The following NEK9 variants were observed in gnomAD, a reference collection of about 807,000 sequenced individuals.
NEK9 encodes the protein serine/threonine-protein kinase Nek9.
NEK9 carries 75 observed loss-of-function variants against 123.4 expected under a neutral mutation model. That is an observed-to-expected ratio of 0.61 (90% CI 0.50 to 0.74). NEK9 has a LOEUF of 0.74. NEK9 is among the 30% of genes least tolerant of loss of function. The pLI is 0.00. For synonymous variants in NEK9, 438 were observed against 458.7 expected (o/e 0.95, Z 0.58); for missense variants, 952 against 1,214.4 (o/e 0.78, Z 3.21).
At chr14:75,122,407 T>A (rs1895367869) in intron 2 of NEK9, among the ~76,000 whole-genome samples, 1 of 152,190 alleles carries the variant, frequency 6.6e-6, no homozygotes, top group South Asian at 2.1e-4. Flanking sequence ...GGTTCTCCTG[T>A]GCAATAAGAT....
chr14:75,111,783 C>A (rs1041998896), intron 8 of NEK9, among the ~76,000 whole-genome samples: 1 of 151,978 alleles, frequency 6.6e-6, no homozygotes, highest in African/African-American at 2.4e-5. Context: ...CCCAGCTACC[C>A]GAGAGGCTAA....
chr14:75,080,604 T>TGCAAGGGA lies in NEK9; in HGVS notation c.*3959_*3960insTCCCTTGC, dbSNP rs1893842131. Reference sequence around the variant, plus strand: ...GAAACTCCTCATGTGGAAACTCATTTCATTAAAAATGTATGCAGATGTGCC... The same window carrying TGCAAGGGA: ...GAAACTCCTCATGTGGAAACTCATTTGCAAGGGACATTAAAAATGTATGCAGATGTGCC... On this transcript the variant is annotated 3_prime_UTR_variant, in exon 22 of 22. Transcript: ENST00000238616. 2 of 152,050 alleles carry TGCAAGGGA rather than the reference T, an allele frequency of 1.3e-5. No homozygotes were observed. Among genetic ancestry groups the TGCAAGGGA allele is most frequent in the Non-Finnish European group, 1.5e-5 (1 of 68,008 alleles). The allele number at this position is 152,050 out of a possible 1,614,324, so 9.4% of individuals were successfully genotyped here.
In NEK9 at chr14:75,088,525, C is replaced by A. The variant is rs775143389; in HGVS notation, c.2559G>T (p.Val853=). The change falls in exon 20 of 22, where the codon GTG becomes GTT. Residue 853 remains valine (V), a synonymous_variant. Transcript: ENST00000238616. The stretch of plus-strand genomic sequence containing the variant: ...TGTGTTCCAAAGGAGCTTCAGAGGC[C>A]ACTTTGAGTCCTTGCAGCTCTTCAT... ...LPYEELQGLK[V]ASEAPLEHKP... is the part of the protein sequence containing the mutation. The A allele has an allele frequency of 6.2e-7, 1 of 1,614,044 alleles. No homozygotes were observed. Among genetic ancestry groups the A allele is most frequent in the Admixed American group, 1.7e-5 (1 of 59,992 alleles).
chr14:75,100,858 G>T, intron 16 of NEK9, 134 bp downstream of exon 16: 2 of 866,484 alleles, frequency 2.3e-6, no homozygotes, highest in Non-Finnish European at 3.4e-6. Context: ...TATATAACCG[G>T]CCACCAATTT....
intron 8 of NEK9, among the ~76,000 whole-genome samples, chr14:75,111,672 C>T (rs1489392532): frequency 1.3e-5 from 2 of 152,194 alleles, no homozygotes; most frequent in African/African-American, 2.4e-5. Context: ...AGGCAGATCA[C>T]CTGAGGTCAG....
rs1894898118 is a variant in NEK9, at chr14:75,109,759, T to C, written c.1108A>G (p.Ser370Gly). Residue 370 changes from serine (S) to glycine (G), a missense_variant, in exon 10 of 22, where the codon AGT becomes GGT. Ser to Gly is a moderately conservative substitution (Grantham distance 56, BLOSUM62 0). Coordinates refer to ENST00000238616, the MANE Select transcript of NEK9 (RefSeq NM_033116.6). ...QKLDVIKSGCSARQVCAGNTH... is the reference protein window; with the variant it reads ...QKLDVIKSGCGARQVCAGNTH... ...TTCCCTGCACAGACCTGCCGGGCAC[T>C]ACAGCCACTCTTGATAACATCCAGT... is the stretch of plus-strand genomic sequence containing the variant. The C allele has an allele frequency of 1.9e-6, 3 of 1,614,140 alleles. No individual in the cohort carries two copies. The highest frequency in any genetic ancestry group is 2.5e-6 in the Non-Finnish European group (3 of 1,180,016).
Position 75,084,135 on chromosome 14 carries a change from A to T in NEK9, c.*429T>A. On this transcript the variant is annotated 3_prime_UTR_variant, in exon 22 of 22. Transcript: ENST00000238616. ...CCTGATTCCAGCCCACTCCAACTTT[A>T]CACTTCTCCCTCTCCCACCCAGAGG... 5.4e-6 allele frequency: 1 copy of T among 185,642 alleles called. No individual in the cohort carries two copies. Among genetic ancestry groups the T allele is most frequent in the Admixed American group, 5.3e-5 (1 of 18,742 alleles). 11.5% of individuals were successfully genotyped at this position (185,642 alleles called of 1,614,324 possible).
intron 14 of NEK9, among the ~76,000 whole-genome samples, chr14:75,102,944 C>CA (rs569544672): frequency 8.6e-4 from 124 of 143,552 alleles, no homozygotes; most frequent in Non-Finnish European, 1.4e-3. Context: ...ATTGCAAGGA[C>CA]AAAAAATCAA....
At chr14:75,106,040 C>T in intron 12 of NEK9, 44 bp from the exon 13 acceptor site, 1 of 1,531,370 alleles carries the variant, frequency 6.5e-7, no homozygotes, top group Non-Finnish European at 9.1e-7. Context: ...TGAGGGCTTC[C>T]TTCCCAGTGA....
At chr14:75,090,277 C>CTT (rs543579822) in intron 19 of NEK9, among the ~76,000 whole-genome samples, 21 of 118,848 alleles carry the variant, frequency 1.8e-4, no homozygotes, top group African/African-American at 5.7e-4. Context: ...CATGCTCGGT[C>CTT]TTTTTTTTTT....
chr14:75,084,557 C>T lies in NEK9; in HGVS notation c.*7G>A, dbSNP rs11557688. The T allele has an allele frequency of 1.4e-5, 22 of 1,613,972 alleles. No homozygotes were observed. The highest frequency in any genetic ancestry group is 2.7e-5 in the African/African-American group (2 of 74,918). On this transcript the variant is annotated 3_prime_UTR_variant, in exon 22 of 22. Transcript: ENST00000238616. ...CAGTCTCCTGGGGGCTCTACAGGCT[C>T]AGGAGACTAGAGGCTGGGTCTACAG...
intron 9 of NEK9, 138 bp from the exon 10 acceptor site, chr14:75,110,015 T>A: frequency 1.1e-6 from 1 of 907,220 alleles, no homozygotes; most frequent in Non-Finnish European, 1.6e-6. Context: ...CTTGTTTCAA[T>A]GTGCTCTATC....
intron 1 of NEK9, among the ~76,000 whole-genome samples, chr14:75,125,599 TAAC>T (rs1895496672): frequency 6.6e-6 from 1 of 152,206 alleles, no homozygotes; most frequent in Non-Finnish European, 1.5e-5. Flanking sequence ...AATATAGAAA[TAAC>T]AATCCTTATC....
intron 7 of NEK9, 98 bp from the exon 8 acceptor site, chr14:75,113,501 G>T: frequency 2.4e-6 from 2 of 850,570 alleles, no homozygotes; most frequent in Non-Finnish European, 3.8e-6. Flanking sequence ...TTATCCTTTT[G>T]TTTTAAAAAT....
chr14:75,116,574 T>A, intron 6 of NEK9: 1 of 278,760 alleles, frequency 3.6e-6, no homozygotes, highest in Non-Finnish European at 7.8e-6. Context: ...CTTGAAAAAG[T>A]GAACCATCAT....
rs148632243 is a variant in NEK9, at chr14:75,101,103, C to A, written c.1891G>T (p.Val631Phe). 6.2e-6 allele frequency: 10 copies of A among 1,614,248 alleles called. No individual in the cohort carries two copies. Among genetic ancestry groups the A allele is most frequent in the Non-Finnish European group, 8.5e-6 (10 of 1,180,050 alleles). ...CCCAGACGCTTCTTGTAGTTCCCAA[C>A]GCCCAGCTGCCCACACTTGTTGCAG... ...FGCNKCGQLG[V>F]GNYKKRLGIN... is the part of the protein sequence containing the mutation. The change falls in exon 16 of 22, where the codon GTT (valine) becomes TTT (phenylalanine). Residue 631 changes from valine to phenylalanine, a missense_variant. Physicochemically the swap from Val to Phe is conservative, Grantham distance 50. Coordinates refer to ENST00000238616, the MANE Select transcript of NEK9 (RefSeq NM_033116.6).
chr14:75,104,020 A>T, intron 13 of NEK9, 23 bp from the exon 14 acceptor site: 1 of 1,598,192 alleles, frequency 6.3e-7, no homozygotes, highest in Non-Finnish European at 8.5e-7. Context: ...AATCAGAAAA[A>T]GAAATCCCAA....
chr14:75,117,876 GT>G (rs1895193489), intron 5 of NEK9, among the ~76,000 whole-genome samples: 1 of 152,178 alleles, frequency 6.6e-6, no homozygotes, highest in African/African-American at 2.4e-5. Context: ...GTCCTAAGAA[GT>G]CATGCCTCTC....
At chr14:75,100,587 C>T (rs1894543349) in intron 16 of NEK9, among the ~76,000 whole-genome samples, 1 of 152,172 alleles carries the variant, frequency 6.6e-6, no homozygotes, top group South Asian at 2.1e-4. Context: ...ATGGACATCA[C>T]TGCAGTACAG....
Sources: gnomAD v4.1 joint callset for allele counts (sites outside exome capture counted in the v4.1 genomes callset) on GRCh38, gnomAD v4.1.1 for gene constraint, MANE v1.5 for transcripts, NCBI Gene and HGNC (gene_info 2026-07-23, HGNC 2026-07-21) for gene names.